Variants in GRIK2 observed in about 807,000 individuals in gnomAD.
GRIK2 encodes glutamate ionotropic receptor kainate type subunit 2.
Under a neutral mutation model 100.3 loss-of-function variants are expected in GRIK2, and 32 were observed. That is an observed-to-expected ratio of 0.32 (90% CI 0.24 to 0.43). GRIK2 has a LOEUF of 0.43. Ranked by LOEUF, GRIK2 falls within the 20% of genes least tolerant of loss-of-function variation. The pLI, the probability that GRIK2 is intolerant of heterozygous loss-of-function variation, is 1.00. For missense variants in GRIK2, 843 were observed against 1,114.9 expected, an observed-to-expected ratio of 0.76 and a Z score of 3.47; for synonymous variants, 417 against 389.4, an observed-to-expected ratio of 1.07 and a Z score of -0.83.
chr6:102,014,460 G>A (rs945991514), intron 14 of GRIK2, among the ~76,000 whole-genome samples: 2 of 151,620 alleles, frequency 1.3e-5, no homozygotes, highest in African/African-American at 2.4e-5. Flanking sequence ...GTCTGATTTC[G>A]GTTATTTCTT....
At chr6:101,639,327 CA>C (rs1213796485) in intron 4 of GRIK2, among the ~76,000 whole-genome samples, 3 of 152,134 alleles carry the variant, frequency 2.0e-5, no homozygotes, top group Non-Finnish European at 4.4e-5. Context: ...AGCCACCAAG[CA>C]CAGCCAGATA....
chr6:101,432,189 T>G (rs113515968), intron 2 of GRIK2, among the ~76,000 whole-genome samples: 1 of 152,260 alleles, frequency 6.6e-6, no homozygotes, highest in East Asian at 1.9e-4. Context: ...GCCTATAATT[T>G]AATCAAGTCC....
intron 7 of GRIK2, among the ~76,000 whole-genome samples, chr6:101,715,046 A>G (rs1773968200): frequency 6.6e-6 from 1 of 151,720 alleles, no homozygotes; most frequent in African/African-American, 2.4e-5. Context: ...CCAGGATCAG[A>G]AAAGGAACCA....
At chr6:101,762,075 CT>C in intron 7 of GRIK2, among the ~76,000 whole-genome samples, 1 of 128,348 alleles carries the variant, frequency 7.8e-6, no homozygotes, top group South Asian at 2.7e-4. Flanking sequence ...TTCCTTTCCC[CT>C]CCCTTCCTTT....
intron 4 of GRIK2, among the ~76,000 whole-genome samples, chr6:101,658,643 A>G (rs1769378095): frequency 6.6e-6 from 1 of 151,230 alleles, no homozygotes; most frequent in Non-Finnish European, 1.5e-5. Context: ...TCTTCCACCA[A>G]CAGTGTAAAA....
intron 2 of GRIK2, among the ~76,000 whole-genome samples, chr6:101,499,748 T>C (rs2128272730): frequency 6.6e-6 from 1 of 152,298 alleles, no homozygotes; most frequent in African/African-American, 2.4e-5. Context: ...ATAACTTATA[T>C]ACTATGTTAG....
chr6:101,616,227 T>C (rs1169046521), intron 2 of GRIK2, among the ~76,000 whole-genome samples: 1 of 151,882 alleles, frequency 6.6e-6, no homozygotes, highest in Non-Finnish European at 1.5e-5. Flanking sequence ...TGAGATTTTA[T>C]CTTCACCTTT....
At position 101,920,274 on chromosome 6, in the gene GRIK2, C is replaced by A. The variant is rs1367050297; in HGVS notation, c.1749-4327C>A. ...TAGTGGACATTTATTTCTCTCTCAT[C>A]CCCAATCGAGAGAACAGTCCAGCTC... On this transcript the variant is annotated intron_variant, in intron 12 of 16. Coordinates refer to ENST00000369134, the MANE Select transcript of GRIK2 (RefSeq NM_021956.5). Among the ~76,000 whole-genome samples the A allele has an allele frequency of 2.0e-4, 30 of 151,886 alleles. 1 individual carries two copies.
At chr6:101,622,301 A>G (rs1220931127) in intron 3 of GRIK2, among the ~76,000 whole-genome samples, 185 bp downstream of exon 3, 1 of 152,152 alleles carries the variant, frequency 6.6e-6, no homozygotes, top group Non-Finnish European at 1.5e-5. Context: ...CTTGCAAAAA[A>G]TCTGCTTATA....
chr6:101,893,047 A>G (rs1472113712), intron 12 of GRIK2, among the ~76,000 whole-genome samples: 1 of 151,286 alleles, frequency 6.6e-6, no homozygotes, highest in Non-Finnish European at 1.5e-5. Flanking sequence ...GTTCAAGTTT[A>G]AACTGTATAA....
chr6:101,713,161 C>T (rs1162393641), intron 7 of GRIK2, among the ~76,000 whole-genome samples: 1 of 151,774 alleles, frequency 6.6e-6, no homozygotes, highest in African/African-American at 2.4e-5. Context: ...CCAGCATCCA[C>T]TGTCTTTTAG....
At chr6:101,404,568 A>G (rs925190663) in intron 2 of GRIK2, among the ~76,000 whole-genome samples, 3 of 152,216 alleles carry the variant, frequency 2.0e-5, no homozygotes, top group African/African-American at 7.2e-5. Context: ...TTTGCACATC[A>G]GATTAGAAAC....
At chr6:101,765,907 CTA>C (rs1778018884) in intron 7 of GRIK2, among the ~76,000 whole-genome samples, 1 of 152,066 alleles carries the variant, frequency 6.6e-6, no homozygotes, top group African/African-American at 2.4e-5. Flanking sequence ...TCCAAAAAAG[CTA>C]TGAGTCATTT....
At chr6:101,679,348 G>A (rs1771074522) in intron 5 of GRIK2, among the ~76,000 whole-genome samples, 1 of 152,108 alleles carries the variant, frequency 6.6e-6, no homozygotes, top group Non-Finnish European at 1.5e-5. Flanking sequence ...ATAACTGCAT[G>A]TGTTAATTCA....
At chr6:101,588,508 G>C (rs1489015491) in intron 2 of GRIK2, among the ~76,000 whole-genome samples, 2 of 151,994 alleles carry the variant, frequency 1.3e-5, no homozygotes, top group Non-Finnish European at 2.9e-5. Context: ...AGCAAGGCCT[G>C]GTGGCACATA....
intron 2 of GRIK2, among the ~76,000 whole-genome samples, chr6:101,444,227 A>AG: frequency 6.6e-6 from 1 of 152,040 alleles, no homozygotes; most frequent in East Asian, 1.9e-4. Flanking sequence ...CTCATCTTAA[A>AG]TTGTATTTAT....
rs1227617926 is a variant in GRIK2 at position 101,661,758 on chromosome 6, G to A, written c.542-14865G>A. ...CCCCAACCCCTTGCACTTCCCGTGT[G>A]AGGCGATGCCCCACCATGATTTGGC... On this transcript the variant is annotated intron_variant, in intron 4 of 16. Coordinates refer to ENST00000369134, the MANE Select transcript of GRIK2 (RefSeq NM_021956.5). Among the ~76,000 whole-genome samples, 6 of 152,202 alleles carry A rather than the reference G, an allele frequency of 3.9e-5. No individual in the cohort carries two copies. The East Asian group carries it at 9.7e-4, about 25-fold the overall frequency.
chr6:101,817,828 G>T (rs956566169), intron 9 of GRIK2, among the ~76,000 whole-genome samples: 11 of 152,128 alleles, frequency 7.2e-5, no homozygotes, highest in African/African-American at 2.4e-4. Flanking sequence ...CACTTTAAAA[G>T]GTGCAAAGAT....
At chr6:101,813,003 T>C (rs1297072030) in intron 9 of GRIK2, among the ~76,000 whole-genome samples, 1 of 151,720 alleles carries the variant, frequency 6.6e-6, no homozygotes, top group Non-Finnish European at 1.5e-5. Flanking sequence ...GGTAACATAT[T>C]TTGCAAAAAG....
Sources: allele counts gnomAD v4.1 joint callset (sites outside exome capture counted in the v4.1 genomes callset), GRCh38; gene constraint gnomAD v4.1.1; transcripts MANE v1.5; gene names NCBI Gene and HGNC (gene_info 2026-07-23, HGNC 2026-07-21).